The following VPS37D variants were observed in gnomAD, a reference collection of about 807,000 sequenced individuals.
VPS37D encodes the protein vacuolar protein sorting-associated protein 37D.
A neutral mutation model predicts 22.0 loss-of-function variants in VPS37D; 5 were observed. The observed-to-expected ratio is 0.23, with a 90% CI of 0.12 to 0.48. The LOEUF (loss-of-function observed/expected upper bound fraction) is 0.48, where lower values mean the gene tolerates loss of function less well. Among genes scored for constraint, VPS37D ranks in the 20% least tolerant of loss-of-function variants. The pLI is 0.99. For synonymous variants in VPS37D, 174 were observed against 159.3 expected, an observed-to-expected ratio of 1.09 and a Z score of -0.69; for missense variants, 384 against 345.8, an observed-to-expected ratio of 1.11 and a Z score of -0.88.
Position 73,668,023 on chromosome 7 carries a change from T to C in VPS37D, c.65T>C (p.Leu22Pro), listed in dbSNP as rs1272258571. The change falls in exon 1 of 4, where the codon CTC (leucine) becomes CCC (proline). Residue 22 changes from leucine (L) to proline (P), a missense_variant. By Grantham distance (98) the Leu-to-Pro change is moderately conservative. Transcript: ENST00000324941. Reference sequence around the variant, plus strand: ...GGCAGCCCGGGGCGCTTTGGGATCCTCAGCACCGGGCAGCTCCGGGACCTG... The same window carrying C: ...GGCAGCCCGGGGCGCTTTGGGATCCCCAGCACCGGGCAGCTCCGGGACCTG... Reference protein sequence around the residue: ...EPGSPGRFGILSTGQLRDLLQ... With the variant: ...EPGSPGRFGIPSTGQLRDLLQ... 4 of 1,149,958 alleles carry C rather than the reference T, an allele frequency of 3.5e-6. No homozygotes were observed. The highest frequency in any genetic ancestry group is 5.3e-5 in the East Asian group (1 of 18,754). The allele number at this position is 1,149,958 out of a possible 1,614,324, so 71.2% of individuals were successfully genotyped here.
chr7:73,668,217 A>C, intron 1 of VPS37D, 121 bp downstream of exon 1: 1 of 528,370 alleles, frequency 1.9e-6, no homozygotes, highest in Non-Finnish European at 2.5e-6. Flanking sequence ...GGAGCCTGGC[A>C]CGTACGAGTG....
intron 1 of VPS37D, among the ~76,000 whole-genome samples, chr7:73,668,838 C>T (rs1797440562): frequency 6.6e-6 from 1 of 151,702 alleles, no homozygotes; most frequent in African/African-American, 2.4e-5. Context: ...GGTGTGTATT[C>T]CTTGGGGTGT....
upstream of VPS37D, among the ~76,000 whole-genome samples, chr7:73,666,962 T>C (rs1016796535): frequency 2.1e-5 from 3 of 145,836 alleles, no homozygotes; most frequent in African/African-American, 4.9e-5. Flanking sequence ...TTAAAAATTG[T>C]TCTTTTCACT....
chr7:73,666,503 A>T (rs1797376484), upstream of VPS37D, among the ~76,000 whole-genome samples: 1 of 151,592 alleles, frequency 6.6e-6, no homozygotes, highest in Admixed American at 6.6e-5. Flanking sequence ...ATCTCGGCTC[A>T]CTACAACCTC....
In VPS37D at chr7:73,670,100, G is replaced by C; in HGVS notation, c.391G>C (p.Glu131Gln). 1 of 1,550,830 alleles carries C rather than the reference G, an allele frequency of 6.4e-7. No individual in the cohort carries two copies. Among genetic ancestry groups the C allele is most frequent in the Non-Finnish European group, 8.7e-7 (1 of 1,146,832 alleles). ...GCTAGAAGAGGCGGAGCAGGAGGCA[G>C]AGGTGAGGGGAGGGGTGGCTGGGGC... ...AELEEAEQEA[E>Q]EQMEQLLLGE... Residue 131 changes from glutamate (E) to glutamine (Q), a missense_variant and splice_region_variant, in exon 3 of 4, where the codon GAG (glutamate) becomes CAG (glutamine). Physicochemically the swap from Glu to Gln is conservative, Grantham distance 29. Coordinates refer to ENST00000324941, the MANE Select transcript of VPS37D (RefSeq NM_001077621.2).
Position 73,671,156 on chromosome 7 carries a change from C to T in VPS37D, c.536C>T (p.Ala179Val). 1 of 1,605,578 alleles carries T rather than the reference C, an allele frequency of 6.2e-7. No individual in the cohort carries two copies. Among genetic ancestry groups the T allele is most frequent in the Non-Finnish European group, 8.5e-7 (1 of 1,178,298 alleles). Residue 179 changes from alanine to valine, a missense_variant, in exon 4 of 4, where the codon GCC becomes GTC. Physicochemically the swap from Ala to Val is moderately conservative, Grantham distance 64. Coordinates refer to ENST00000324941, the MANE Select transcript of VPS37D (RefSeq NM_001077621.2). ...QELLRRRERS[A>V]QPAPTSAADP... Reference sequence around the variant, plus strand: ...CTGCTGCGGCGTCGGGAGCGTTCTGCCCAGCCGGCCCCCACCTCGGCTGCT... The same window carrying T: ...CTGCTGCGGCGTCGGGAGCGTTCTGTCCAGCCGGCCCCCACCTCGGCTGCT...
chr7:73,670,407 A>T (rs1797481486), intron 3 of VPS37D, among the ~76,000 whole-genome samples: 2 of 152,166 alleles, frequency 1.3e-5, no homozygotes, highest in Non-Finnish European at 2.9e-5. Flanking sequence ...CAGTGAGCTG[A>T]AGGTGGTGGG....
chr7:73,671,113 G>A lies in VPS37D; in HGVS notation c.493G>A (p.Ala165Thr). 1 of 1,609,360 alleles carries A rather than the reference G, an allele frequency of 6.2e-7. No homozygotes were observed. Residue 165 changes from alanine (A) to threonine (T), a missense_variant, in exon 4 of 4, where the codon GCA becomes ACA. Coordinates refer to ENST00000324941, the MANE Select transcript of VPS37D (RefSeq NM_001077621.2). ...CCTGGCCCACCTGAGGCGGACGCAG[G>A]CAGAGAAGCTGCAGGAGCTGCTGCG... The part of the protein sequence containing the change: ...RALAHLRRTQ[A>T]EKLQELLRRR...
Position 73,667,987 on chromosome 7 carries a change from G to C in VPS37D, c.29G>C (p.Gly10Ala). 9.1e-7 allele frequency: 1 copy of C among 1,095,804 alleles called. No individual in the cohort carries two copies. Among genetic ancestry groups the C allele is most frequent in the South Asian group, 4.1e-5 (1 of 24,348 alleles). 67.9% of individuals were successfully genotyped at this position (1,095,804 alleles called of 1,614,324 possible). The stretch of plus-strand genomic sequence containing the variant: ...TACCGGGCCCGGGCGGCGCGGGCGG[G>C]GCCGGAGCCCGGCAGCCCGGGGCGC... MYRARAARA[G>A]PEPGSPGRFG... Residue 10 changes from glycine (G) to alanine (A), a missense_variant, in exon 1 of 4, where the codon GGG becomes GCG. Coordinates refer to ENST00000324941, the MANE Select transcript of VPS37D (RefSeq NM_001077621.2).
rs374632880 is a variant in VPS37D, at chr7:73,671,031, G to C, written c.411G>C (p.Leu137=). Residue 137 remains leucine (L), a synonymous_variant, in exon 4 of 4, where the codon CTG becomes CTC. Coordinates refer to ENST00000324941, the MANE Select transcript of VPS37D (RefSeq NM_001077621.2). ...EQEAEEQMEQ[L]LLGEQSLEAF... is the part of the protein sequence containing the mutation. ...CGGCCCAGGAGCAGATGGAGCAGCT[G>C]CTGCTCGGGGAGCAAAGCCTGGAGG... is the stretch of plus-strand genomic sequence containing the variant. 4 of 1,612,384 alleles carry C rather than the reference G, an allele frequency of 2.5e-6. No individual in the cohort carries two copies. The highest frequency in any genetic ancestry group is 2.2e-5 in the East Asian group (1 of 44,804).
chr7:73,669,326 C>T (rs1797450927), intron 1 of VPS37D, 93 bp from the exon 2 acceptor site: 15 of 1,431,176 alleles, frequency 1.0e-5, no homozygotes, highest in Non-Finnish European at 1.4e-5. Context: ...TTGGCCTGGC[C>T]CTCAGGCACG....
intron 1 of VPS37D, among the ~76,000 whole-genome samples, chr7:73,668,935 C>G (rs1380754902): frequency 6.6e-6 from 1 of 151,904 alleles, no homozygotes; most frequent in Middle Eastern, 3.4e-3. Context: ...GGTGCAGACA[C>G]CCCTCTGGAG....
intron 2 of VPS37D, 138 bp from the exon 3 acceptor site, chr7:73,669,882 C>A: frequency 7.0e-7 from 1 of 1,431,466 alleles, no homozygotes; most frequent in South Asian, 1.4e-5. Flanking sequence ...ACAAAGCGGT[C>A]ACATGGGCAC....
intron 2 of VPS37D, among the ~76,000 whole-genome samples, 189 bp downstream of exon 2, chr7:73,669,779 C>T (rs1554609392): frequency 1.3e-5 from 2 of 152,114 alleles, no homozygotes; most frequent in East Asian, 1.9e-4. Flanking sequence ...GGACCCAATA[C>T]GCAGGGTCCC....
upstream of VPS37D, among the ~76,000 whole-genome samples, chr7:73,665,860 T>C (rs1167682184): frequency 3.3e-5 from 5 of 152,196 alleles, no homozygotes; most frequent in Non-Finnish European, 5.9e-5. Flanking sequence ...GTTGTCGTTG[T>C]TGTTTTTTGA....
intron 1 of VPS37D, among the ~76,000 whole-genome samples, chr7:73,668,636 G>T (rs1797435272): frequency 6.6e-6 from 1 of 152,026 alleles, no homozygotes; most frequent in African/African-American, 2.4e-5. Context: ...CTGGTTGTCT[G>T]TGGGGGGCAG....
At chr7:73,670,205 G>T in intron 3 of VPS37D, 103 bp downstream of exon 3, 1 of 1,522,404 alleles carries the variant, frequency 6.6e-7, no homozygotes. Context: ...CCTCCTCTGG[G>T]AAGTCCACCC....
In VPS37D at chr7:73,667,902, G is replaced by A; in HGVS notation, c.-57G>A. On this transcript the variant is annotated 5_prime_UTR_variant, in exon 1 of 4. Coordinates refer to ENST00000324941, the MANE Select transcript of VPS37D (RefSeq NM_001077621.2). Reference sequence around the variant, plus strand: ...CGGAGCGGAGCGGAGCGGAGCCGGGGCGGAGCGGGCCGAGCGGGCCGAGCC... The same window carrying A: ...CGGAGCGGAGCGGAGCGGAGCCGGGACGGAGCGGGCCGAGCGGGCCGAGCC... 1.6e-6 allele frequency: 1 copy of A among 625,980 alleles called. No homozygotes were observed. Among genetic ancestry groups the A allele is most frequent in the Non-Finnish European group, 2.0e-6 (1 of 497,640 alleles). The allele number at this position is 625,980 out of a possible 1,614,324, so 38.8% of individuals were successfully genotyped here.
chr7:73,665,769 C>G (rs978707538), upstream of VPS37D, among the ~76,000 whole-genome samples: 1 of 152,194 alleles, frequency 6.6e-6, no homozygotes, highest in African/African-American at 2.4e-5. Flanking sequence ...TGAAACCCAG[C>G]TCAAATGCCA....
Sources: allele counts gnomAD v4.1 joint callset (sites outside exome capture counted in the v4.1 genomes callset), GRCh38; gene constraint gnomAD v4.1.1; transcripts MANE v1.5; gene names NCBI Gene and HGNC (gene_info 2026-07-23, HGNC 2026-07-21).